Variants in GPHN observed in about 807,000 individuals in gnomAD.
GPHN encodes gephyrin.
In GPHN, 17 loss-of-function variants were observed where a neutral mutation model predicts 95.5. The ratio of observed to expected loss-of-function variants is 0.18; its 90% CI spans 0.12 to 0.27. GPHN has a LOEUF of 0.27. Among genes scored for constraint, GPHN ranks in the 10% least tolerant of loss-of-function variants. GPHN has a pLI of 1.00. For missense variants in GPHN, 660 were observed against 978.1 expected (o/e 0.67, Z 4.34); for synonymous variants, 320 against 322.5 (o/e 0.99, Z 0.08).
the GPHN span, chr14:67,380,816 G>A: frequency 6.0e-6 from 6 of 1,003,336 alleles, no homozygotes; most frequent in Admixed American, 2.8e-5. Flanking sequence ...CATCAAAAAA[G>A]CTATTAAATA....
chr14:66,841,814 G>A (rs955219948), intron 4 of GPHN, among the ~76,000 whole-genome samples: 1 of 152,082 alleles, frequency 6.6e-6, no homozygotes, highest in African/African-American at 2.4e-5. Flanking sequence ...GTTGAGGTGG[G>A]TGGATCACAT....
the GPHN span, among the ~76,000 whole-genome samples, chr14:67,413,653 C>T: frequency 6.6e-6 from 1 of 152,152 alleles, no homozygotes; most frequent in Admixed American, 6.5e-5. Flanking sequence ...AACCCCACTC[C>T]CACCTGCCAG....
the GPHN span, chr14:67,592,642 A>T: frequency 6.3e-7 from 1 of 1,591,202 alleles, no homozygotes; most frequent in Non-Finnish European, 8.6e-7. Flanking sequence ...CACCTGGAAG[A>T]CGGGTACTAC....
intron 2 of GPHN, among the ~76,000 whole-genome samples, chr14:66,735,696 AATTTT>A (rs1566886013): frequency 1.3e-5 from 2 of 152,064 alleles, no homozygotes; most frequent in African/African-American, 4.8e-5. Context: ...GATATAGCCA[AATTTT>A]ATTTTATTTT....
the GPHN span, among the ~76,000 whole-genome samples, chr14:67,310,867 G>A: frequency 3.3e-5 from 5 of 152,012 alleles, no homozygotes; most frequent in African/African-American, 9.7e-5. Flanking sequence ...TTGTCACTTA[G>A]CATTTTTTCC....
chr14:67,243,568 C>G, the GPHN span, among the ~76,000 whole-genome samples: 1 of 147,402 alleles, frequency 6.8e-6, no homozygotes, highest in Non-Finnish European at 1.5e-5. Context: ...TCTCGGCTCA[C>G]TGCAAGCTCT....
intron 6 of GPHN, among the ~76,000 whole-genome samples, chr14:66,920,272 TGTGA>T: frequency 6.6e-6 from 1 of 152,278 alleles, no homozygotes. Context: ...AATGTGTGTA[TGTGA>T]GTATGTAAGT....
At chr14:67,599,108 G>A in the GPHN span, among the ~76,000 whole-genome samples, 10 of 152,210 alleles carry the variant, frequency 6.6e-5, no homozygotes, top group East Asian at 1.9e-3. Context: ...TCTGAAACAC[G>A]CTTTGACAGC....
chr14:66,510,924 G>A (rs2058018427), intron 1 of GPHN, among the ~76,000 whole-genome samples: 1 of 152,120 alleles, frequency 6.6e-6, no homozygotes, highest in Non-Finnish European at 1.5e-5. Context: ...AGTCTAGGGG[G>A]AAAAGTCTAG....
At chr14:67,597,607 G>A in the GPHN span, among the ~76,000 whole-genome samples, 34 of 152,232 alleles carry the variant, frequency 2.2e-4, no homozygotes, top group African/African-American at 6.5e-4. Context: ...ATCTAATTTT[G>A]AGTTAATTAA....
chr14:66,961,721 C>T (rs534147030), intron 8 of GPHN, among the ~76,000 whole-genome samples: 2 of 151,144 alleles, frequency 1.3e-5, no homozygotes, highest in East Asian at 3.9e-4. Flanking sequence ...AATATTGTTA[C>T]ACACCAACCA....
chr14:67,674,978 G>A, the GPHN span: 1 of 152,520 alleles, frequency 6.6e-6, no homozygotes. Flanking sequence ...GTTGCTCCGG[G>A]TGCCAGGTTC....
At chr14:67,583,739 A>C in the GPHN span, 2 of 1,608,650 alleles carry the variant, frequency 1.2e-6, no homozygotes, top group Admixed American at 3.4e-5. Flanking sequence ...CTTCTACCAC[A>C]GGTAGAATAT....
the GPHN span, among the ~76,000 whole-genome samples, chr14:67,640,857 A>G: frequency 2.6e-5 from 4 of 152,202 alleles, no homozygotes. Context: ...TTAGGAGACA[A>G]ACTGCATAGT....
intron 21 of GPHN, among the ~76,000 whole-genome samples, chr14:67,175,797 C>A (rs146323883): frequency 1.3e-5 from 2 of 152,092 alleles, no homozygotes; most frequent in African/African-American, 4.8e-5. Context: ...CCTTCACATC[C>A]CTTGTAAGTT....
At chr14:67,655,028 C>CTAA in the GPHN span, among the ~76,000 whole-genome samples, 1 of 43,504 alleles carries the variant, frequency 2.3e-5, no homozygotes, top group Non-Finnish European at 3.8e-5. Flanking sequence ...GACTCCATCT[C>CTAA]AAAAAAAAAA....
chr14:67,199,177 T>C, the GPHN span: 2 of 1,604,010 alleles, frequency 1.2e-6, no homozygotes, highest in Non-Finnish European at 1.7e-6. Flanking sequence ...GCTGGACCAG[T>C]AGTCAACACC....
At chr14:67,419,589 G>A in the GPHN span, among the ~76,000 whole-genome samples, 1 of 152,178 alleles carries the variant, frequency 6.6e-6, no homozygotes, top group Non-Finnish European at 1.5e-5. Context: ...CAGGCGGGGG[G>A]CGGTGGCTCA....
the GPHN span, among the ~76,000 whole-genome samples, chr14:67,368,510 T>C: frequency 2.5e-4 from 38 of 152,046 alleles, no homozygotes; most frequent in African/African-American, 9.2e-4. Context: ...AATATATAGT[T>C]AATACAGTTG....
Sources: allele counts gnomAD v4.1 joint callset (sites outside exome capture counted in the v4.1 genomes callset), GRCh38; gene constraint gnomAD v4.1.1; transcripts MANE v1.5; gene names NCBI Gene and HGNC (gene_info 2026-07-23, HGNC 2026-07-21).